FHIT: variants seen among roughly 807,000 people sequenced by gnomAD.
FHIT encodes fragile histidine triad diadenosine triphosphatase.
Under a neutral mutation model 17.9 loss-of-function variants are expected in FHIT, and 19 were observed. The ratio of observed to expected loss-of-function variants is 1.06; its 90% CI spans 0.74 to 1.56. FHIT has a LOEUF of 1.56. Ranked by LOEUF, FHIT falls within the 40% of genes most tolerant of loss-of-function variation. The pLI, the probability that FHIT is intolerant of heterozygous loss-of-function variation, is 0.00. For missense variants in FHIT, 248 were observed against 189.2 expected, an observed-to-expected ratio of 1.31 and a Z score of -1.82; for synonymous variants, 81 against 69.7, an observed-to-expected ratio of 1.16 and a Z score of -0.81.
At position 60,492,767 on chromosome 3, in the gene FHIT, T is replaced by C. The variant is rs141859231; in HGVS notation, c.103+44093A>G. Among the ~76,000 whole-genome samples the C allele has an allele frequency of 9.7e-3, 1,475 of 152,186 alleles. 10 individuals carry two copies. Among genetic ancestry groups the C allele is most frequent in the Middle Eastern group, 0.027 (8 of 294 alleles). ...GGTGATCCACCCGCCTCTCTCCCAA[T>C]GACAGCAATTTTTTAGTTTGACTGT... On this transcript the variant is annotated intron_variant, in intron 5 of 9. Transcript: ENST00000492590.
At chr3:60,077,698 A>C (rs1243761290) in intron 5 of FHIT, among the ~76,000 whole-genome samples, 5 of 99,132 alleles carry the variant, frequency 5.0e-5, no homozygotes, top group African/African-American at 2.3e-4. Flanking sequence ...ACACACACAC[A>C]CACACACACA....
intron 4 of FHIT, among the ~76,000 whole-genome samples, chr3:60,574,778 T>C (rs1413215668): frequency 6.6e-6 from 1 of 151,978 alleles, no homozygotes; most frequent in Non-Finnish European, 1.5e-5. Flanking sequence ...TCATCTCCTT[T>C]CAGTCCTTCC....
chr3:61,016,425 G>A (rs1417473356), intron 3 of FHIT, among the ~76,000 whole-genome samples: 1 of 152,142 alleles, frequency 6.6e-6, no homozygotes, highest in Non-Finnish European at 1.5e-5. Context: ...AAGAAATGCT[G>A]GTTTTAGGAT....
At chr3:59,907,944 C>T (rs1704664285) in intron 8 of FHIT, among the ~76,000 whole-genome samples, 1 of 152,200 alleles carries the variant, frequency 6.6e-6, no homozygotes, top group South Asian at 2.1e-4. Flanking sequence ...GAATCTTTCT[C>T]ATATTGCATC....
At chr3:59,756,003 G>C (rs1310350609) in intron 8 of FHIT, among the ~76,000 whole-genome samples, 2 of 152,132 alleles carry the variant, frequency 1.3e-5, no homozygotes, top group African/African-American at 2.4e-5. Context: ...GTAGGAAAAA[G>C]AGTGGTGAGC....
At chr3:61,101,657 T>G (rs955256387) in intron 2 of FHIT, among the ~76,000 whole-genome samples, 1 of 152,238 alleles carries the variant, frequency 6.6e-6, no homozygotes, top group African/African-American at 2.4e-5. Context: ...GATGGGCATT[T>G]TAATGGTATT....
intron 4 of FHIT, among the ~76,000 whole-genome samples, chr3:60,772,302 T>C (rs1292493916): frequency 1.5e-5 from 2 of 135,716 alleles, no homozygotes; most frequent in African/African-American, 5.7e-5. Flanking sequence ...AAGTAGATTG[T>C]TCACTTCTCA....
intron 4 of FHIT, among the ~76,000 whole-genome samples, chr3:60,641,848 C>T (rs569465633): frequency 6.6e-6 from 1 of 152,126 alleles, no homozygotes; most frequent in East Asian, 1.9e-4. Flanking sequence ...AAACTATTTT[C>T]AGAGGTGGAG....
chr3:60,530,456 G>A (rs1427596293), intron 5 of FHIT, among the ~76,000 whole-genome samples: 1 of 152,232 alleles, frequency 6.6e-6, no homozygotes, highest in Non-Finnish European at 1.5e-5. Context: ...AATTCCTTCA[G>A]CATCAGCTTC....
At chr3:61,115,744 A>G (rs2036282490) in intron 2 of FHIT, among the ~76,000 whole-genome samples, 1 of 152,172 alleles carries the variant, frequency 6.6e-6, no homozygotes, top group South Asian at 2.1e-4. Flanking sequence ...ACAGTTGTGC[A>G]TAAGGTTCAG....
intron 4 of FHIT, among the ~76,000 whole-genome samples, chr3:60,587,378 C>T (rs1169098640): frequency 2.6e-5 from 4 of 151,930 alleles, no homozygotes; most frequent in Non-Finnish European, 5.9e-5. Context: ...GAAGAGAGAG[C>T]ATTAGGACAA....
chr3:60,232,325 G>A (rs543795983), intron 5 of FHIT, among the ~76,000 whole-genome samples: 1 of 152,118 alleles, frequency 6.6e-6, no homozygotes, highest in Non-Finnish European at 1.5e-5. Context: ...CTCTTGAGTG[G>A]ATCTAAATAG....
At chr3:61,073,450 G>A (rs1009601663) in intron 2 of FHIT, among the ~76,000 whole-genome samples, 1 of 152,176 alleles carries the variant, frequency 6.6e-6, no homozygotes, top group Non-Finnish European at 1.5e-5. Flanking sequence ...TTCTGCGTCT[G>A]ATCCTGATGG....
chr3:60,626,142 T>A (rs1413034161), intron 4 of FHIT, among the ~76,000 whole-genome samples: 2 of 152,214 alleles, frequency 1.3e-5, no homozygotes, highest in East Asian at 1.9e-4. Flanking sequence ...TTGTCATGAG[T>A]TCCGAAACCA....
intron 1 of FHIT, among the ~76,000 whole-genome samples, chr3:61,235,770 AG>A (rs1358681034): frequency 6.6e-6 from 1 of 152,192 alleles, no homozygotes; most frequent in South Asian, 2.1e-4. Context: ...TCATTTACTT[AG>A]CGTTCCCTAT....
chr3:60,770,117 G>A (rs183611068), intron 4 of FHIT, among the ~76,000 whole-genome samples: 174 of 152,270 alleles, frequency 1.1e-3, no homozygotes, highest in African/African-American at 3.7e-3. Context: ...TGCTACTGCC[G>A]TGTGCCATGG....
intron 5 of FHIT, among the ~76,000 whole-genome samples, chr3:60,017,351 AGGGG>A (rs200842200): frequency 0.016 from 2,391 of 152,294 alleles, 64 homozygotes; most frequent in African/African-American, 0.052. Flanking sequence ...AAGATCAAAA[AGGGG>A]GGAGAGTACC....
intron 5 of FHIT, among the ~76,000 whole-genome samples, chr3:60,355,217 T>C (rs997111168): frequency 2.6e-5 from 4 of 152,186 alleles, no homozygotes; most frequent in African/African-American, 9.6e-5. Context: ...TTAGGCTAAT[T>C]ACCCAAAATT....
At chr3:60,210,859 C>G (rs1190769253) in intron 5 of FHIT, among the ~76,000 whole-genome samples, 1 of 151,998 alleles carries the variant, frequency 6.6e-6, no homozygotes, top group Admixed American at 6.6e-5. Flanking sequence ...AGCAAAATTA[C>G]ATATGTATTT....
Sources: gnomAD v4.1 joint callset for allele counts (sites outside exome capture counted in the v4.1 genomes callset) on GRCh38, gnomAD v4.1.1 for gene constraint, MANE v1.5 for transcripts, NCBI Gene and HGNC (gene_info 2026-07-23, HGNC 2026-07-21) for gene names.